YWHAG: variants seen among roughly 807,000 people sequenced by gnomAD.
YWHAG encodes tyrosine 3-monooxygenase/tryptophan 5-monooxygenase activation protein gamma.
Under a neutral mutation model 23.3 loss-of-function variants are expected in YWHAG, and 1 was observed. That is an observed-to-expected ratio of 0.04 (90% confidence interval 0.02 to 0.20). The LOEUF is 0.20. Ranked by LOEUF, YWHAG falls within the 10% of genes least tolerant of loss-of-function variation. The pLI is 1.00. For synonymous variants in YWHAG, 160 were observed against 144.0 expected (o/e 1.11, Z -0.80); for missense variants, 151 against 338.6 (o/e 0.45, Z 4.35).
intron 1 of YWHAG, among the ~76,000 whole-genome samples, chr7:76,355,388 T>A (rs148190199): frequency 2.0e-5 from 3 of 152,222 alleles, no homozygotes; most frequent in Non-Finnish European, 4.4e-5. Flanking sequence ...TGAATCTCAG[T>A]AGAATTCAAA....
intron 1 of YWHAG, among the ~76,000 whole-genome samples, chr7:76,352,167 C>T (rs1803885929): frequency 6.6e-6 from 1 of 152,200 alleles, no homozygotes; most frequent in Non-Finnish European, 1.5e-5. Context: ...GAACTAGCAC[C>T]ATAGGCATTT....
chr7:76,332,166 G>T lies in YWHAG; in HGVS notation c.88-1933C>A, dbSNP rs7794629. Among the ~76,000 whole-genome samples, 308 of 152,286 alleles carry T rather than the reference G, an allele frequency of 2.0e-3. 1 individual carries two copies. Among genetic ancestry groups the T allele is most frequent in the African/African-American group, 6.9e-3 (288 of 41,536 alleles). On this transcript the variant is annotated intron_variant, in intron 1 of 1. Coordinates refer to ENST00000307630, the MANE Select transcript of YWHAG (RefSeq NM_012479.4). ...CAGACTCAAAAGAGGGGAAGAATAG[G>T]GGGTGGGTACTACTTGAGTTCAGAG...
At chr7:76,342,491 T>C (rs1483276725) in intron 1 of YWHAG, among the ~76,000 whole-genome samples, 1 of 152,222 alleles carries the variant, frequency 6.6e-6, no homozygotes, top group Non-Finnish European at 1.5e-5. Context: ...CTTCTTCATA[T>C]CAAGGCTGCT....
chr7:76,349,758 T>C lies in YWHAG; in HGVS notation c.87+8964A>G, dbSNP rs183634673. Among the ~76,000 whole-genome samples, 362 of 152,252 alleles carry C rather than the reference T, an allele frequency of 2.4e-3. 4 individuals are homozygous for C. The highest frequency in any genetic ancestry group is 0.015 in the South Asian group (72 of 4,828). On this transcript the variant is annotated intron_variant, in intron 1 of 1. Coordinates refer to ENST00000307630, the MANE Select transcript of YWHAG (RefSeq NM_012479.4). ...CAGCAAACGATGAAAAACAAAAACA[T>C]GCCTGCAGGTGGATCACTTGAGGTC...
chr7:76,334,498 G>A (rs1563663022), intron 1 of YWHAG, among the ~76,000 whole-genome samples: 1 of 152,038 alleles, frequency 6.6e-6, no homozygotes, highest in Admixed American at 6.6e-5. Flanking sequence ...TGCAATCACA[G>A]CTCACTGCAG....
intron 1 of YWHAG, among the ~76,000 whole-genome samples, chr7:76,339,109 G>T (rs1803655893): frequency 6.6e-6 from 1 of 152,212 alleles, no homozygotes; most frequent in Non-Finnish European, 1.5e-5. Context: ...AACAGTTTAT[G>T]GATGTATACA....
intron 1 of YWHAG, among the ~76,000 whole-genome samples, chr7:76,348,844 G>A (rs1803826628): frequency 1.3e-5 from 2 of 151,416 alleles, no homozygotes; most frequent in Admixed American, 6.6e-5. Flanking sequence ...CTCCCAAAGT[G>A]CTGGGATTAC....
intron 1 of YWHAG, among the ~76,000 whole-genome samples, chr7:76,331,570 C>T (rs1267882301): frequency 3.4e-5 from 5 of 148,836 alleles, no homozygotes; most frequent in African/African-American, 4.9e-5. Flanking sequence ...TTTTTTAGCT[C>T]ATCAACTATT....
intron 1 of YWHAG, among the ~76,000 whole-genome samples, chr7:76,356,992 T>G (rs1419964755): frequency 2.6e-5 from 4 of 152,252 alleles, no homozygotes; most frequent in African/African-American, 9.6e-5. Flanking sequence ...ACTTGGTTGC[T>G]ATGGATATAG....
chr7:76,340,212 CG>C (rs1803672269), intron 1 of YWHAG, among the ~76,000 whole-genome samples: 1 of 152,228 alleles, frequency 6.6e-6, no homozygotes, highest in African/African-American at 2.4e-5. Flanking sequence ...GGATCAGCCC[CG>C]TTTCACTAAC....
intron 1 of YWHAG, among the ~76,000 whole-genome samples, chr7:76,338,956 G>A (rs1357100611): frequency 6.6e-6 from 1 of 152,190 alleles, no homozygotes; most frequent in African/African-American, 2.4e-5. Flanking sequence ...TGATTAGGTT[G>A]AATTTTGTAC....
rs577659072 is a variant in YWHAG, at chr7:76,349,108, C to T, written c.87+9614G>A. On this transcript the variant is annotated intron_variant, in intron 1 of 1. Coordinates refer to ENST00000307630, the MANE Select transcript of YWHAG (RefSeq NM_012479.4). The stretch of plus-strand genomic sequence containing the variant: ...CTGTAATCCCAGCACTTTGGGAGGC[C>T]GAGGTAGGTGGATCACGAGGTCAGA... 6.3e-4 allele frequency among the ~76,000 whole-genome samples: 96 copies of T among 151,804 alleles called. No homozygotes were observed. The South Asian group carries it at 0.018, about 28-fold the overall frequency.
Position 76,349,446 on chromosome 7 carries a change from C to CACACAG in YWHAG, c.87+9275_87+9276insCTGTGT, listed in dbSNP as rs1554618103. ...ACACACACACACACACACACACAGA[C>CACACAG]ACACACACACACACACACACAGCCA... On this transcript the variant is annotated intron_variant, in intron 1 of 1. Transcript: ENST00000307630. Among the ~76,000 whole-genome samples the CACACAG allele has an allele frequency of 1.7e-4, 17 of 97,856 alleles. 1 individual carries two copies. The highest frequency in any genetic ancestry group is 4.3e-4 in the African/African-American group (11 of 25,434). 64.2% of individuals were successfully genotyped at this position (97,856 alleles called of 152,430 possible). A position where few individuals can be genotyped will look rare whatever the true frequency, so the allele number is the denominator to read the frequency against.
chr7:76,328,343 G>A lies in YWHAG; in HGVS notation c.*1234C>T, dbSNP rs1028275057. ...ATAGGAGTTCAGTGTTTGTTATCTG[G>A]TAACAGTTTTTTTATCTTCCTACAA... On this transcript the variant is annotated 3_prime_UTR_variant, in exon 2 of 2. Coordinates refer to ENST00000307630, the MANE Select transcript of YWHAG (RefSeq NM_012479.4). The A allele has an allele frequency of 4.6e-5, 7 of 152,190 alleles. No homozygotes were observed. Among genetic ancestry groups the A allele is most frequent in the African/African-American group, 1.7e-4 (7 of 41,424 alleles). 9.4% of individuals were successfully genotyped at this position (152,190 alleles called of 1,614,324 possible).
intron 1 of YWHAG, among the ~76,000 whole-genome samples, chr7:76,337,800 T>C (rs187277678): frequency 4.9e-4 from 74 of 152,244 alleles, no homozygotes; most frequent in Non-Finnish European, 7.8e-4. Flanking sequence ...CCTCCCAAAG[T>C]GCTGGGATTA....
In YWHAG at chr7:76,327,522, T is replaced by TTCTAAAAAG. The variant is rs1803462608; in HGVS notation, c.*2046_*2054dup. 6.6e-6 allele frequency: 1 copy of TTCTAAAAAG among 152,626 alleles called. No individual in the cohort carries two copies. Among genetic ancestry groups the TTCTAAAAAG allele is most frequent in the Non-Finnish European group, 1.5e-5 (1 of 68,042 alleles). The allele number at this position is 152,626 out of a possible 1,614,324, so 9.5% of individuals were successfully genotyped here. ...CAGGTGTGATTTTTATCTTGCATTA[T>TTCTAAAAAG]TCTAAAAAGCAGCCAGAGCCAAAGC... On this transcript the variant is annotated 3_prime_UTR_variant, in exon 2 of 2. Transcript: ENST00000307630.
At chr7:76,358,698 C>T (rs757085924) in intron 1 of YWHAG, 24 bp downstream of exon 1, 55 of 1,543,332 alleles carry the variant, frequency 3.6e-5, no homozygotes, top group Non-Finnish European at 4.0e-5. Context: ...CAGGGAGCGG[C>T]GGGGGAGGGG....
intron 1 of YWHAG, among the ~76,000 whole-genome samples, chr7:76,341,260 C>T (rs923085140): frequency 2.0e-5 from 3 of 151,710 alleles, no homozygotes; most frequent in South Asian, 2.1e-4. Context: ...AAAAATGAGC[C>T]GGGCATGGTG....
intron 1 of YWHAG, among the ~76,000 whole-genome samples, chr7:76,332,211 A>C (rs1803552902): frequency 6.6e-6 from 1 of 152,182 alleles, no homozygotes; most frequent in Admixed American, 6.5e-5. Flanking sequence ...ACCAGGAAAG[A>C]GATGCTTTGC....
Sources: gnomAD v4.1 joint callset for allele counts (sites outside exome capture counted in the v4.1 genomes callset) on GRCh38, gnomAD v4.1.1 for gene constraint, MANE v1.5 for transcripts, NCBI Gene and HGNC (gene_info 2026-07-23, HGNC 2026-07-21) for gene names.